The following PTPRD variants were observed in gnomAD, a reference collection of about 807,000 sequenced individuals.
PTPRD encodes protein tyrosine phosphatase receptor type D, also known as receptor-type tyrosine-protein phosphatase delta.
A neutral mutation model predicts 214.5 loss-of-function variants in PTPRD; 34 were observed. The observed-to-expected ratio is 0.16, with a 90% confidence interval of 0.12 to 0.21. The LOEUF (loss-of-function observed/expected upper bound fraction) is 0.21. Ranked by LOEUF, PTPRD falls within the 10% of genes least tolerant of loss-of-function variation. The pLI is 1.00. For synonymous variants in PTPRD, 1,128 were observed against 845.7 expected (o/e 1.33, Z -5.79); for missense variants, 2,545 against 2,398.7 (o/e 1.06, Z -1.27).
At chr9:10,470,948 A>G (rs58364353) in intron 2 of PTPRD, among the ~76,000 whole-genome samples, 10,249 of 152,186 alleles carry the variant, frequency 0.067, 960 homozygotes, top group African/African-American at 0.21. Context: ...GCACATATAC[A>G]AGATGGAATA....
chr9:10,505,022 A>C (rs1199693544), intron 2 of PTPRD, among the ~76,000 whole-genome samples: 1 of 152,210 alleles, frequency 6.6e-6, no homozygotes, highest in Non-Finnish European at 1.5e-5. Context: ...TGCCAATCTT[A>C]ATGCAAGAGC....
intron 7 of PTPRD, among the ~76,000 whole-genome samples, chr9:9,661,595 T>G (rs1387392296): frequency 1.3e-5 from 2 of 151,878 alleles, no homozygotes; most frequent in Non-Finnish European, 2.9e-5. Context: ...TTTATATTTG[T>G]CTTTCCATCA....
rs10959021 is a variant in PTPRD at position 10,285,493 on chromosome 9, T to C, written c.-545+55470A>G. Among the ~76,000 whole-genome samples, 693 of 152,222 alleles carry C rather than the reference T, an allele frequency of 4.6e-3. 29 individuals are homozygous for C. In the East Asian group the frequency reaches 0.085, roughly 19 times the overall value. ...TATTCTTATAGAAACATTACATGAT[T>C]TTTAAAAAGCACACACAGCCTTTGA... On this transcript the variant is annotated intron_variant, in intron 3 of 45. Coordinates refer to ENST00000381196, the MANE Select transcript of PTPRD (RefSeq NM_002839.4).
At chr9:8,330,084 T>C (rs1685291242) in intron 44 of PTPRD, among the ~76,000 whole-genome samples, 1 of 152,112 alleles carries the variant, frequency 6.6e-6, no homozygotes, top group Non-Finnish European at 1.5e-5. Context: ...GAGTGTACTG[T>C]TCCTCGTGGT....
chr9:10,056,267 G>C lies in PTPRD; in HGVS notation c.-544-22477C>G, dbSNP rs577135649. On this transcript the variant is annotated intron_variant, in intron 3 of 45. Transcript: ENST00000381196. The stretch of plus-strand genomic sequence containing the variant: ...ACCTGGGAGGCGGAGATTGCAGTGA[G>C]CTGAGATCACGCCACTGCATTCCAA... Among the ~76,000 whole-genome samples, 110 of 151,478 alleles carry C rather than the reference G, an allele frequency of 7.3e-4. 1 individual carries two copies. Among genetic ancestry groups the C allele is most frequent in the Admixed American group, 4.5e-3 (69 of 15,216 alleles).
intron 5 of PTPRD, among the ~76,000 whole-genome samples, chr9:9,936,727 A>G (rs1204963960): frequency 7.4e-6 from 1 of 135,916 alleles, no homozygotes; most frequent in Non-Finnish European, 1.5e-5. Flanking sequence ...ATTACTGGGT[A>G]TATACCCAAA....
intron 9 of PTPRD, among the ~76,000 whole-genome samples, chr9:9,260,589 G>A (rs1032771022): frequency 6.6e-6 from 1 of 151,726 alleles, no homozygotes; most frequent in Non-Finnish European, 1.5e-5. Context: ...GCATTTGAAA[G>A]AGTAGGGTGA....
chr9:9,700,709 A>G (rs2097481957), intron 7 of PTPRD, among the ~76,000 whole-genome samples: 1 of 152,096 alleles, frequency 6.6e-6, no homozygotes, highest in African/African-American at 2.4e-5. Context: ...CTTATTGCTT[A>G]TATAACCATT....
intron 5 of PTPRD, among the ~76,000 whole-genome samples, chr9:9,857,853 T>C (rs1209403039): frequency 6.6e-6 from 1 of 152,166 alleles, no homozygotes; most frequent in Non-Finnish European, 1.5e-5. Context: ...ATAAGTCTGG[T>C]TGAAGAAAGA....
intron 10 of PTPRD, among the ~76,000 whole-genome samples, chr9:9,180,339 T>G (rs565694874): frequency 6.6e-6 from 1 of 151,148 alleles, no homozygotes; most frequent in Middle Eastern, 3.4e-3. Context: ...CAGCAAACTA[T>G]CGCAAGGACA....
intron 9 of PTPRD, among the ~76,000 whole-genome samples, chr9:9,321,556 G>GAGAAAA (rs1555226203): frequency 1.4e-5 from 2 of 138,508 alleles, no homozygotes; most frequent in South Asian, 2.3e-4. Context: ...ACTCCACTGA[G>GAGAAAA]AAAAAAAAAA....
chr9:9,182,054 G>C (rs1306678472), intron 10 of PTPRD, among the ~76,000 whole-genome samples: 6 of 152,000 alleles, frequency 3.9e-5, no homozygotes, highest in African/African-American at 1.4e-4. Flanking sequence ...ATTTGACTGG[G>C]GGTATCCAAG....
intron 7 of PTPRD, among the ~76,000 whole-genome samples, chr9:9,585,305 G>A (rs1303344612): frequency 2.0e-5 from 3 of 151,950 alleles, no homozygotes; most frequent in Admixed American, 6.6e-5. Context: ...ATATATTTTC[G>A]GATCCTGTCC....
At chr9:10,112,845 T>G (rs2098702654) in intron 3 of PTPRD, among the ~76,000 whole-genome samples, 2 of 152,194 alleles carry the variant, frequency 1.3e-5, no homozygotes, top group African/African-American at 4.8e-5. Flanking sequence ...ACGTCTTGTC[T>G]TAAAATATAA....
chr9:10,194,937 T>C (rs2099391391), intron 3 of PTPRD, among the ~76,000 whole-genome samples: 1 of 148,072 alleles, frequency 6.8e-6, no homozygotes, highest in African/African-American at 2.5e-5. Flanking sequence ...AGGATTTTCA[T>C]TTAATTTTTT....
At chr9:9,715,449 G>C (rs764175610) in intron 7 of PTPRD, among the ~76,000 whole-genome samples, 1 of 151,974 alleles carries the variant, frequency 6.6e-6, no homozygotes, top group Non-Finnish European at 1.5e-5. Flanking sequence ...AGCCGTATTA[G>C]TGCCTTGGTG....
intron 3 of PTPRD, among the ~76,000 whole-genome samples, chr9:10,213,276 T>C (rs537827299): frequency 6.6e-6 from 1 of 152,190 alleles, no homozygotes; most frequent in South Asian, 2.1e-4. Context: ...TAAAATAGAG[T>C]TATAACAATC....
intron 10 of PTPRD, among the ~76,000 whole-genome samples, chr9:9,052,489 G>C (rs1183666428): frequency 6.6e-6 from 1 of 152,160 alleles, no homozygotes; most frequent in Non-Finnish European, 1.5e-5. Context: ...GTAAAGTGTT[G>C]TTCAATGTAT....
rs1389390052 is a variant in PTPRD at position 8,960,140 on chromosome 9, C to G, written c.-104+58557G>C. Among the ~76,000 whole-genome samples, 2 of 152,048 alleles carry G rather than the reference C, an allele frequency of 1.3e-5. 1 individual carries two copies. The highest frequency in any genetic ancestry group is 2.9e-5 in the Non-Finnish European group (2 of 68,008). ...ACCTGGGACAAGTCACATAACTTCTCTAAGCCTCAATTTCCTTCTTTGTAC... is the reference window on the plus strand; with the variant it reads ...ACCTGGGACAAGTCACATAACTTCTGTAAGCCTCAATTTCCTTCTTTGTAC... On this transcript the variant is annotated intron_variant, in intron 11 of 45. Transcript: ENST00000381196.
Sources: allele counts gnomAD v4.1 joint callset (sites outside exome capture counted in the v4.1 genomes callset), GRCh38; gene constraint gnomAD v4.1.1; transcripts MANE v1.5; gene names NCBI Gene and HGNC (gene_info 2026-07-23, HGNC 2026-07-21).